Variants in SCN2A observed in about 807,000 individuals in gnomAD.
The protein encoded by SCN2A is sodium channel protein type 2 subunit alpha.
SCN2A carries 20 observed loss-of-function variants against 188.7 expected under a neutral mutation model. The ratio of observed to expected loss-of-function variants is 0.11; its 90% confidence interval spans 0.07 to 0.15. The LOEUF (loss-of-function observed/expected upper bound fraction) is 0.15. Among genes scored for constraint, SCN2A ranks in the 10% least tolerant of loss-of-function variants. SCN2A has a pLI of 1.00. For synonymous variants in SCN2A, 804 were observed against 833.1 expected, an observed-to-expected ratio of 0.97 and a Z score of 0.60; for missense variants, 1,278 against 2,445.0, an observed-to-expected ratio of 0.52 and a Z score of 10.07.
At position 165,370,123 on chromosome 2, in the gene SCN2A, C is replaced by T. The variant is rs1445025366; in HGVS notation, c.3676-3C>T. On this transcript the variant is annotated splice_polypyrimidine_tract_variant and splice_region_variant and intron_variant, in intron 19 of 26. Coordinates refer to ENST00000375437, the MANE Select transcript of SCN2A (RefSeq NM_001040142.2). The stretch of plus-strand genomic sequence containing the variant: ...AAATTTAATAGAATTTTTTGACTTA[C>T]AGGCCTTTGAAGATATATACATTGA... The T allele has an allele frequency of 6.2e-7, 1 of 1,613,028 alleles. No individual in the cohort carries two copies. The highest frequency in any genetic ancestry group is 8.5e-7 in the Non-Finnish European group (1 of 1,179,096).
At chr2:165,350,460 CTTTCTTTT>C (rs1226715552) in intron 16 of SCN2A, among the ~76,000 whole-genome samples, 13 of 77,934 alleles carry the variant, frequency 1.7e-4, no homozygotes, top group South Asian at 1.3e-3. Context: ...GAACTGTTTT[CTTTCTTTT>C]TTTTTTTTTT....
intron 15 of SCN2A, among the ~76,000 whole-genome samples, chr2:165,343,422 T>TAATATGGG (rs1246067530): frequency 3.9e-5 from 6 of 152,106 alleles, no homozygotes; most frequent in African/African-American, 1.4e-4. Context: ...ATAAAACAAG[T>TAATATGGG]AATATGGGCA....
Position 165,239,518 on chromosome 2 carries a change from A to G in SCN2A, c.-174A>G, listed in dbSNP as rs1278705793. ...CTTGTTTTTTTCTTCTTTAATGAGGATAGAGCACATGTGAGATTTTACTTT... is the reference window on the plus strand; with the variant it reads ...CTTGTTTTTTTCTTCTTTAATGAGGGTAGAGCACATGTGAGATTTTACTTT... On this transcript the variant is annotated 5_prime_UTR_variant, in exon 1 of 27. Transcript: ENST00000375437. The G allele has an allele frequency of 2.2e-6, 1 of 448,888 alleles. No individual in the cohort carries two copies. The highest frequency in any genetic ancestry group is 2.1e-5 in the African/African-American group (1 of 46,814). The allele number at this position is 448,888 out of a possible 1,614,324, so 27.8% of individuals were successfully genotyped here.
chr2:165,276,822 A>G (rs1390650512), intron 1 of SCN2A, among the ~76,000 whole-genome samples: 3 of 152,176 alleles, frequency 2.0e-5, no homozygotes, highest in African/African-American at 7.2e-5. Context: ...ATGTTCTGTG[A>G]CCACCTTCTG....
At chr2:165,296,858 G>GAA (rs139906774) in intron 2 of SCN2A, 159 bp from the exon 3 acceptor site, 369 of 465,318 alleles carry the variant, frequency 7.9e-4, no homozygotes, top group East Asian at 1.3e-3. Context: ...ATAGTGCTCA[G>GAA]AAAAAAAAAG....
Position 165,293,261 on chromosome 2 carries a change from T to C in SCN2A, c.-51-2512T>C, listed in dbSNP as rs114901935. ...AACCCTTACATATAGTAAGGGTTAA[T>C]TGCTATTTAATATGAGTTTTTATTT... On this transcript the variant is annotated intron_variant, in intron 1 of 26. Transcript: ENST00000375437. Among the ~76,000 whole-genome samples the C allele has an allele frequency of 2.0e-3, 310 of 152,336 alleles. 3 individuals are homozygous for C. The highest frequency in any genetic ancestry group is 6.9e-3 in the African/African-American group (287 of 41,568).
chr2:165,314,587 C>G (rs3769937), intron 10 of SCN2A, among the ~76,000 whole-genome samples: 45,686 of 152,028 alleles, frequency 0.3, 7,201 homozygotes, highest in Middle Eastern at 0.46. Flanking sequence ...TATTTGTTCT[C>G]TTTTATATAA....
chr2:165,317,371 G>C (rs1054925432), intron 11 of SCN2A, among the ~76,000 whole-genome samples: 1 of 151,576 alleles, frequency 6.6e-6, no homozygotes, highest in Non-Finnish European at 1.5e-5. Flanking sequence ...AGGGAGGGAG[G>C]GGGGAGAGAG....
intron 19 of SCN2A, among the ~76,000 whole-genome samples, chr2:165,368,942 A>ATTT (rs1262173336): frequency 2.0e-5 from 3 of 151,606 alleles, no homozygotes; most frequent in East Asian, 1.9e-4. Flanking sequence ...TATTATTATT[A>ATTT]TTTTTTAGAC....
At chr2:165,345,286 A>G (rs1026294273) in intron 16 of SCN2A, among the ~76,000 whole-genome samples, 9 of 152,206 alleles carry the variant, frequency 5.9e-5, no homozygotes, top group African/African-American at 2.2e-4. Context: ...AAAAACTAGC[A>G]ACAATCTCAG....
At position 165,382,031 on chromosome 2, in the gene SCN2A, G is replaced by A. The variant is rs113798789; in HGVS notation, c.4551+834G>A. Among the ~76,000 whole-genome samples, 164 of 152,146 alleles carry A rather than the reference G, an allele frequency of 1.1e-3. 2 individuals are homozygous for A. The highest frequency in any genetic ancestry group is 3.9e-3 in the African/African-American group (160 of 41,534). ...GCCAATAACTCAAAGAAAATGGATA[G>A]CTATATTGGGTCAAACACAAAGGGT... On this transcript the variant is annotated intron_variant, in intron 25 of 26. Coordinates refer to ENST00000375437, the MANE Select transcript of SCN2A (RefSeq NM_001040142.2).
At chr2:165,282,038 C>A (rs923784934) in intron 1 of SCN2A, among the ~76,000 whole-genome samples, 3 of 152,126 alleles carry the variant, frequency 2.0e-5, no homozygotes, top group African/African-American at 7.2e-5. Flanking sequence ...CTATTGCCAC[C>A]CTCCAACAGG....
chr2:165,365,620 C>G (rs1700688805), intron 18 of SCN2A, among the ~76,000 whole-genome samples: 1 of 152,050 alleles, frequency 6.6e-6, no homozygotes, highest in African/African-American at 2.4e-5. Context: ...ACACATCTCT[C>G]TTTAGTTTAA....
chr2:165,334,510 T>G (rs1698878169), intron 14 of SCN2A, among the ~76,000 whole-genome samples: 1 of 151,844 alleles, frequency 6.6e-6, no homozygotes, highest in African/African-American at 2.4e-5. Context: ...TATATCATAT[T>G]AATTTTAAAA....
chr2:165,291,360 C>G lies in SCN2A; in HGVS notation c.-51-4413C>G, dbSNP rs1211408032. Among the ~76,000 whole-genome samples, 186 of 40,062 alleles carry G rather than the reference C, an allele frequency of 4.6e-3. 1 individual carries two copies. The highest frequency in any genetic ancestry group is 0.013 in the African/African-American group (158 of 12,476). The allele number at this position is 40,062 out of a possible 152,430, so 26.3% of individuals were successfully genotyped here. ...GGACTTGTCTGTCGTTCGTTCCTTCCTTCCTTCCTTCCTTCCTTCCTTCCT... is the reference window on the plus strand; with the variant it reads ...GGACTTGTCTGTCGTTCGTTCCTTCGTTCCTTCCTTCCTTCCTTCCTTCCT... On this transcript the variant is annotated intron_variant, in intron 1 of 26. Transcript: ENST00000375437.
At chr2:165,317,367 G>A (rs1422851842) in intron 11 of SCN2A, among the ~76,000 whole-genome samples, 1 of 151,510 alleles carries the variant, frequency 6.6e-6, no homozygotes, top group Non-Finnish European at 1.5e-5. Context: ...AGGGAGGGAG[G>A]GAGGGGGGAG....
At chr2:165,299,337 G>C (rs1292436016) in intron 3 of SCN2A, among the ~76,000 whole-genome samples, 3 of 152,160 alleles carry the variant, frequency 2.0e-5, no homozygotes, top group Admixed American at 6.6e-5. Flanking sequence ...GAAGTCATTG[G>C]GAGGCCTGAG....
At chr2:165,330,292 T>C (rs1698607626) in intron 13 of SCN2A, among the ~76,000 whole-genome samples, 1 of 152,216 alleles carries the variant, frequency 6.6e-6, no homozygotes, top group African/African-American at 2.4e-5. Flanking sequence ...ACAGCAATGA[T>C]ATTGACAGAA....
At position 165,391,611 on chromosome 2, in the gene SCN2A, AAT is replaced by A. The variant is rs909792949; in HGVS notation, c.*1788_*1789del. On this transcript the variant is annotated 3_prime_UTR_variant, in exon 27 of 27. Coordinates refer to ENST00000375437, the MANE Select transcript of SCN2A (RefSeq NM_001040142.2). Reference sequence around the variant, plus strand: ...GTGAAACAAATCTCAAACTGAGTTCAATGTTTATTTGCTTTCAATAGTAATGC... The same window carrying A: ...GTGAAACAAATCTCAAACTGAGTTCAGTTTATTTGCTTTCAATAGTAATGC... 1 of 152,486 alleles carries A rather than the reference AAT, an allele frequency of 6.6e-6. No individual in the cohort carries two copies. The highest frequency in any genetic ancestry group is 2.4e-5 in the African/African-American group (1 of 41,438). The allele number at this position is 152,486 out of a possible 1,614,324, so 9.4% of individuals were successfully genotyped here. A position where few individuals can be genotyped will look rare whatever the true frequency, so the allele number is the denominator to read the frequency against.
Sources: allele counts gnomAD v4.1 joint callset (sites outside exome capture counted in the v4.1 genomes callset), GRCh38; gene constraint gnomAD v4.1.1; transcripts MANE v1.5; gene names NCBI Gene and HGNC (gene_info 2026-07-23, HGNC 2026-07-21).